Variants in CCL5 observed in about 807,000 individuals in gnomAD.
The protein encoded by CCL5 is C-C motif chemokine ligand 5.
CCL5 carries 5 observed loss-of-function variants against 9.0 expected under a neutral mutation model. The ratio of observed to expected loss-of-function variants is 0.55; its 90% CI spans 0.29 to 1.16. The LOEUF (loss-of-function observed/expected upper bound fraction) is 1.16, where lower values mean the gene tolerates loss of function less well. Ranked by LOEUF, CCL5 falls within the 50% of genes most tolerant of loss-of-function variation. The pLI is 0.08. For missense variants in CCL5, 183 were observed against 183.2 expected (o/e 1.00, Z 0.01); for synonymous variants, 66 against 72.0 (o/e 0.92, Z 0.42).
At chr17:35,875,038 T>TAA (rs201684766) in intron 3 of CCL5, among the ~76,000 whole-genome samples, 26 of 148,482 alleles carry the variant, frequency 1.8e-4, no homozygotes, top group African/African-American at 5.2e-4. Flanking sequence ...ACTATCACAT[T>TAA]AAAAAAAAAA....
At chr17:35,872,842 C>T (rs1200839416) in intron 3 of CCL5, among the ~76,000 whole-genome samples, 1 of 152,146 alleles carries the variant, frequency 6.6e-6, no homozygotes, top group African/African-American at 2.4e-5. Flanking sequence ...AATAAGGTGT[C>T]CCTCAAGAAC....
At chr17:35,872,735 G>A (rs1302824111) in intron 3 of CCL5, among the ~76,000 whole-genome samples, 13 of 152,162 alleles carry the variant, frequency 8.5e-5, no homozygotes, top group Non-Finnish European at 7.3e-5. Context: ...AGAGGATACG[G>A]AGCCTTGAAG....
In CCL5 at chr17:35,875,664, A is replaced by C. The variant is rs16971620; in HGVS notation, c.189-22T>G. The C allele has an allele frequency of 0.055, 52,911 of 963,520 alleles. 1,643 individuals are homozygous for C. Among genetic ancestry groups the C allele is most frequent in the South Asian group, 0.17 (3,441 of 20,834 alleles). The allele number at this position is 963,520 out of a possible 1,614,324, so 59.7% of individuals were successfully genotyped here. ...GTGGCTAGGAAGTCAAAAGGCCAGG[A>C]AAACAATACCTGAGATGAGGGTAGC... On this transcript the variant is annotated intron_variant, in intron 2 of 3. Transcript: ENST00000651122.
At chr17:35,873,769 G>A (rs2088407217) in intron 3 of CCL5, among the ~76,000 whole-genome samples, 1 of 152,182 alleles carries the variant, frequency 6.6e-6, no homozygotes, top group South Asian at 2.1e-4. Context: ...CCATTCATGT[G>A]TTGTTACTAG....
intron 1 of CCL5, among the ~76,000 whole-genome samples, chr17:35,879,076 C>A (rs1436122100): frequency 1.3e-5 from 2 of 152,202 alleles, no homozygotes; most frequent in African/African-American, 4.8e-5. Flanking sequence ...ATCTTGGGAG[C>A]TCTGGTTGAG....
At chr17:35,878,721 T>G in intron 1 of CCL5, 82 bp from the exon 2 acceptor site, 1 of 795,628 alleles carries the variant, frequency 1.3e-6, no homozygotes, top group Non-Finnish European at 2.1e-6. Flanking sequence ...TTTATATGAT[T>G]TATTTAGAAA....
At position 35,872,192 on chromosome 17, in the gene CCL5, G is replaced by A; in HGVS notation, c.*78C>T. 7.4e-6 allele frequency: 8 copies of A among 1,085,796 alleles called. No homozygotes were observed. The highest frequency in any genetic ancestry group is 9.9e-6 in the Non-Finnish European group (8 of 807,502). 67.3% of individuals were successfully genotyped at this position (1,085,796 alleles called of 1,614,324 possible). ...CCCACCTTGGCCTCCCAAAGTGCTG[G>A]GATTACAGGCGTGAGCCACCACGTC... is the stretch of plus-strand genomic sequence containing the variant. On this transcript the variant is annotated 3_prime_UTR_variant, in exon 4 of 4. Coordinates refer to ENST00000651122, the MANE Select transcript of CCL5 (RefSeq NM_001278736.2).
At chr17:35,873,665 A>G (rs2088406150) in intron 3 of CCL5, among the ~76,000 whole-genome samples, 1 of 152,192 alleles carries the variant, frequency 6.6e-6, no homozygotes, top group African/African-American at 2.4e-5. Flanking sequence ...CTCTGCTTCT[A>G]TTTGCTAAGC....
intron 1 of CCL5, among the ~76,000 whole-genome samples, chr17:35,879,790 A>T (rs541291622): frequency 3.9e-5 from 6 of 152,022 alleles, no homozygotes; most frequent in African/African-American, 1.4e-4. Context: ...TCATAAGCCA[A>T]TTTTTTTTAC....
At position 35,878,237 on chromosome 17, in the gene CCL5, C is replaced by T. The variant is rs369785813; in HGVS notation, c.188+291G>A. 5.8e-3 allele frequency among the ~76,000 whole-genome samples: 737 copies of T among 128,138 alleles called. 3 individuals carry two copies. The highest frequency in any genetic ancestry group is 0.024 in the South Asian group (95 of 3,934). The allele number at this position is 128,138 out of a possible 152,430, so 84.1% of individuals were successfully genotyped here. On this transcript the variant is annotated intron_variant, in intron 2 of 3. Transcript: ENST00000651122. Reference sequence around the variant, plus strand: ...GGTGGAGCTTGCAGTGAGCCGAGATCGTGCCGGTGCACTCCAGCCTGGGCG... The same window carrying T: ...GGTGGAGCTTGCAGTGAGCCGAGATTGTGCCGGTGCACTCCAGCCTGGGCG...
chr17:35,880,245 C>T lies in CCL5; in HGVS notation c.61G>A (p.Ala21Thr). Reference sequence around the variant, plus strand: ...CAGGACTTACATGGGGAGGCAGATGCAGGAGCGCAGAGGGCAGTAGCAATG... The same window carrying T: ...CAGGACTTACATGGGGAGGCAGATGTAGGAGCGCAGAGGGCAGTAGCAATG... The change falls in exon 1 of 4, where the codon GCA becomes ACA. Residue 21 changes from alanine (A) to threonine (T), a missense_variant. By Grantham distance (58) the Ala-to-Thr change is moderately conservative. Transcript: ENST00000651122. 6.2e-7 allele frequency: 1 copy of T among 1,613,808 alleles called. No individual in the cohort carries two copies. The highest frequency in any genetic ancestry group is 1.3e-5 in the African/African-American group (1 of 75,030).
Position 35,878,529 on chromosome 17 carries a change from C to G in CCL5, c.187G>C (p.Val63Leu). 1.2e-6 allele frequency: 2 copies of G among 1,610,606 alleles called. No homozygotes were observed. The highest frequency in any genetic ancestry group is 8.5e-7 in the Non-Finnish European group (1 of 1,176,970). Reference sequence around the variant, plus strand: ...GGGCTCCATGGGGCTGAGACTCACACGACTGCTGGGTTGGAGCACTTGCCA... The same window carrying G: ...GGGCTCCATGGGGCTGAGACTCACAGGACTGCTGGGTTGGAGCACTTGCCA... Residue 63 changes from valine (V) to leucine (L), a missense_variant and splice_region_variant, in exon 2 of 4, where the codon GTC becomes CTC. Physicochemically the swap from Val to Leu is conservative, Grantham distance 32 (BLOSUM62 1). Transcript: ENST00000651122.
At chr17:35,879,154 G>A (rs2088480849) in intron 1 of CCL5, among the ~76,000 whole-genome samples, 1 of 152,202 alleles carries the variant, frequency 6.6e-6, no homozygotes, top group Admixed American at 6.5e-5. Flanking sequence ...ACGTTGGGAA[G>A]CATCAGTTGC....
At chr17:35,875,351 G>A (rs2088428909) in intron 3 of CCL5, among the ~76,000 whole-genome samples, 1 of 152,126 alleles carries the variant, frequency 6.6e-6, no homozygotes, top group Non-Finnish European at 1.5e-5. Flanking sequence ...CAGACAAAGT[G>A]AAGCCTTAGA....
At position 35,879,594 on chromosome 17, in the gene CCL5, C is replaced by T. The variant is rs28914797; in HGVS notation, c.76+636G>A. The stretch of plus-strand genomic sequence containing the variant: ...AGCTTGCAGTAAGCCGAGATCGTGC[C>T]GCTGCACTCCAGCCTGGGCGACAGA... On this transcript the variant is annotated intron_variant, in intron 1 of 3. Coordinates refer to ENST00000651122, the MANE Select transcript of CCL5 (RefSeq NM_001278736.2). 8.9e-3 allele frequency among the ~76,000 whole-genome samples: 1,314 copies of T among 147,322 alleles called. 14 individuals carry two copies. The highest frequency in any genetic ancestry group is 0.032 in the African/African-American group (1,251 of 39,302).
At chr17:35,873,538 G>C (rs1201214721) in intron 3 of CCL5, among the ~76,000 whole-genome samples, 4 of 152,154 alleles carry the variant, frequency 2.6e-5, no homozygotes, top group African/African-American at 9.7e-5. Flanking sequence ...GCAGTGCCTG[G>C]CACACTCAAC....
chr17:35,874,983 A>G (rs2088423634), intron 3 of CCL5, among the ~76,000 whole-genome samples: 1 of 152,102 alleles, frequency 6.6e-6, no homozygotes, highest in African/African-American at 2.4e-5. Flanking sequence ...CAAAGGAATT[A>G]TATGTCTCAA....
chr17:35,875,692 A>C, intron 2 of CCL5: 3 of 818,970 alleles, frequency 3.7e-6, no homozygotes, highest in Non-Finnish European at 4.4e-6. Context: ...AGGGTAGCTC[A>C]GGCCTCCATT....
Position 35,880,219 on chromosome 17 carries a change from C to T in CCL5, c.76+11G>A, listed in dbSNP as rs1210014787. 6.2e-7 allele frequency: 1 copy of T among 1,612,562 alleles called. No individual in the cohort carries two copies. The highest frequency in any genetic ancestry group is 8.5e-7 in the Non-Finnish European group (1 of 1,179,014). On this transcript the variant is annotated intron_variant, in intron 1 of 3. Coordinates refer to ENST00000651122, the MANE Select transcript of CCL5 (RefSeq NM_001278736.2). Reference sequence around the variant, plus strand: ...ACTCCAGGGGCTGTGGTGGTCAAGACCAGGACTTACATGGGGAGGCAGATG... The same window carrying T: ...ACTCCAGGGGCTGTGGTGGTCAAGATCAGGACTTACATGGGGAGGCAGATG...
Sources: allele counts gnomAD v4.1 joint callset (sites outside exome capture counted in the v4.1 genomes callset), GRCh38; gene constraint gnomAD v4.1.1; transcripts MANE v1.5; gene names NCBI Gene and HGNC (gene_info 2026-07-23, HGNC 2026-07-21).